The following KIAA2012 variants were observed in gnomAD, a reference collection of about 807,000 sequenced individuals.
The protein encoded by KIAA2012 is uncharacterized protein KIAA2012.
In KIAA2012, 125 loss-of-function variants were observed where a neutral mutation model predicts 150.6. The observed-to-expected ratio is 0.83, with a 90% CI of 0.72 to 0.96. KIAA2012 has a LOEUF of 0.96. KIAA2012 is among the 40% of genes least tolerant of loss of function. KIAA2012 has a pLI of 0.00. For missense variants in KIAA2012, 1,219 were observed against 1,354.9 expected, an observed-to-expected ratio of 0.90 and a Z score of 1.57; for synonymous variants, 462 against 504.7, an observed-to-expected ratio of 0.92 and a Z score of 1.13.
At chr2:202,190,554 A>G in intron 19 of KIAA2012, 61 bp downstream of exon 19, 1 of 1,272,664 alleles carries the variant, frequency 7.9e-7, no homozygotes. Context: ...CGCGACTGCA[A>G]AGATGGGAAA....
At chr2:202,076,908 A>G (rs1165823541) in intron 2 of KIAA2012, 2 of 454,280 alleles carry the variant, frequency 4.4e-6, no homozygotes, top group Admixed American at 4.7e-5. Context: ...AATTCTGCAA[A>G]CATCTGTGTC....
chr2:202,129,173 G>A (rs1690867438), intron 12 of KIAA2012, among the ~76,000 whole-genome samples: 1 of 150,732 alleles, frequency 6.6e-6, no homozygotes, highest in Admixed American at 6.6e-5. Flanking sequence ...TGAGTTCAAA[G>A]ACCAATTTAA....
chr2:202,094,670 C>T (rs1322502640), intron 4 of KIAA2012, among the ~76,000 whole-genome samples: 1 of 151,996 alleles, frequency 6.6e-6, no homozygotes, highest in East Asian at 1.9e-4. Flanking sequence ...AGGAGCACAC[C>T]ACCACTCCCA....
chr2:202,100,177 G>A (rs1004050150), intron 6 of KIAA2012, 130 bp from the exon 7 acceptor site: 1 of 985,354 alleles, frequency 1.0e-6, no homozygotes, highest in Admixed American at 2.6e-5. Context: ...CCAAAGCTAG[G>A]GCTGTCCCAG....
At chr2:202,143,242 T>C (rs4673230) in intron 13 of KIAA2012, among the ~76,000 whole-genome samples, 52,004 of 151,414 alleles carry the variant, frequency 0.34, 9,184 homozygotes, top group East Asian at 0.59. Flanking sequence ...ATGCCACCAC[T>C]CCCAGCTAAT....
At chr2:202,138,670 T>G (rs1691135217) in intron 13 of KIAA2012, among the ~76,000 whole-genome samples, 162 bp downstream of exon 13, 1 of 152,176 alleles carries the variant, frequency 6.6e-6, no homozygotes, top group South Asian at 2.1e-4. Context: ...CAGAGGTTCC[T>G]TTACTCTTAG....
chr2:202,106,789 A>C (rs1271120139), intron 9 of KIAA2012, among the ~76,000 whole-genome samples: 1 of 152,144 alleles, frequency 6.6e-6, no homozygotes, highest in Non-Finnish European at 1.5e-5. Context: ...ACATGGGTGC[A>C]TCTAAGTGTT....
intron 13 of KIAA2012, among the ~76,000 whole-genome samples, chr2:202,150,433 GT>G (rs113231731): frequency 1.4e-5 from 2 of 147,624 alleles, no homozygotes; most frequent in Non-Finnish European, 3.0e-5. Context: ...TTTTTTGTTT[GT>G]TTTTTTGTTT....
chr2:202,113,427 G>A lies in KIAA2012; in HGVS notation c.1743G>A (p.Glu581=). Residue 581 remains glutamate, a synonymous_variant, in exon 11 of 24, where the codon GAG becomes GAA. Transcript: ENST00000498697. ...CLSLPGHTQT[E]ALPSGKAYES... ...CCCTCCCAGGGCATACCCAAACCGA[G>A]GCGCTTCCATCGGGTAAAGGTAAGC... 1.3e-6 allele frequency: 2 copies of A among 1,550,246 alleles called. No homozygotes were observed. The highest frequency in any genetic ancestry group is 4.9e-5 in the East Asian group (2 of 40,896).
chr2:202,119,800 C>T (rs373321998), intron 11 of KIAA2012, among the ~76,000 whole-genome samples: 106 of 152,222 alleles, frequency 7.0e-4, no homozygotes, highest in African/African-American at 2.3e-3. Flanking sequence ...CCCAGGAGTT[C>T]GAGACCAACC....
intron 13 of KIAA2012, among the ~76,000 whole-genome samples, chr2:202,154,468 C>G (rs1691484341): frequency 6.6e-6 from 1 of 152,122 alleles, no homozygotes; most frequent in South Asian, 2.1e-4. Context: ...TTTTCCACTT[C>G]CGTAGGCATT....
At chr2:202,080,696 C>CAAA (rs59085497) in intron 2 of KIAA2012, among the ~76,000 whole-genome samples, 10 of 104,722 alleles carry the variant, frequency 9.5e-5, no homozygotes, top group African/African-American at 1.4e-4. Flanking sequence ...AACTCCGTCT[C>CAAA]AAAAAAAAAA....
At chr2:202,094,251 G>A (rs546792818) in intron 4 of KIAA2012, among the ~76,000 whole-genome samples, 35 of 152,254 alleles carry the variant, frequency 2.3e-4, no homozygotes, top group African/African-American at 8.4e-4. Context: ...CCACTGCACT[G>A]CAGCCTGGAT....
chr2:202,109,214 G>A (rs1343336990), intron 9 of KIAA2012, among the ~76,000 whole-genome samples: 1 of 152,128 alleles, frequency 6.6e-6, no homozygotes, highest in African/African-American at 2.4e-5. Context: ...CTTAGGACTA[G>A]GGTTGGAAGG....
chr2:202,112,662 C>G (rs974691010), intron 10 of KIAA2012, among the ~76,000 whole-genome samples: 3 of 152,208 alleles, frequency 2.0e-5, no homozygotes, highest in African/African-American at 7.2e-5. Context: ...TATAGGACAA[C>G]CAGTTGGTAT....
chr2:202,082,847 T>A (rs1048798648), intron 2 of KIAA2012, among the ~76,000 whole-genome samples: 19 of 42,970 alleles, frequency 4.4e-4, no homozygotes, highest in Non-Finnish European at 1.3e-4. Flanking sequence ...GAGTCCAATT[T>A]CATTTTTTTT....
chr2:202,096,030 G>A (rs945647148), intron 4 of KIAA2012, among the ~76,000 whole-genome samples: 2 of 152,162 alleles, frequency 1.3e-5, no homozygotes, highest in East Asian at 1.9e-4. Context: ...GTTGCAGTGA[G>A]CCAAGATCAT....
chr2:202,106,129 C>A, intron 9 of KIAA2012: 1 of 1,280,014 alleles, frequency 7.8e-7, no homozygotes, highest in Non-Finnish European at 1.1e-6. Context: ...TACTCCCTAA[C>A]TCATCCCACT....
chr2:202,204,217 T>C (rs1440939773), intron 23 of KIAA2012, among the ~76,000 whole-genome samples: 3 of 151,686 alleles, frequency 2.0e-5, no homozygotes, highest in Non-Finnish European at 4.4e-5. Context: ...GCTGAGACTA[T>C]AGGCACGTAC....
Sources: gnomAD v4.1 joint callset for allele counts (sites outside exome capture counted in the v4.1 genomes callset) on GRCh38, gnomAD v4.1.1 for gene constraint, MANE v1.5 for transcripts, NCBI Gene and HGNC (gene_info 2026-07-23, HGNC 2026-07-21) for gene names.